UST: variants seen among roughly 807,000 people sequenced by gnomAD.
The protein encoded by UST is chondroitin sulfate 2-O-sulfotransferase.
Under a neutral mutation model 45.6 loss-of-function variants are expected in UST, and 21 were observed. The observed-to-expected ratio is 0.46, with a 90% CI of 0.33 to 0.66. The LOEUF is 0.66. UST is among the 30% of genes least tolerant of loss of function. The pLI, the probability that UST is intolerant of heterozygous loss-of-function variation, is 0.02. For missense variants in UST, 463 were observed against 512.4 expected (o/e 0.90, Z 0.93); for synonymous variants, 215 against 200.6 (o/e 1.07, Z -0.61).
intron 1 of UST, among the ~76,000 whole-genome samples, chr6:148,862,894 T>A (rs915001537): frequency 6.6e-6 from 1 of 151,364 alleles, no homozygotes; most frequent in Non-Finnish European, 1.5e-5. Context: ...CTTCCCTTTG[T>A]GGGTAACCTG....
chr6:148,799,457 A>C (rs975119702), intron 1 of UST, among the ~76,000 whole-genome samples: 2 of 152,204 alleles, frequency 1.3e-5, no homozygotes, highest in Non-Finnish European at 2.9e-5. Context: ...AGCTGGAAGC[A>C]TTGATAAGGT....
At position 149,021,480 on chromosome 6, in the gene UST, A is replaced by G; in HGVS notation, c.936A>G (p.Pro312=). ...GCGTGCTCAGTATCTACAAAGACCC[A>G]GGTAACTTCATTTGTAAGCAAGCTC... ...FKGVLSIYKD[P]EHRKLGNMTV... is the part of the protein sequence containing the mutation. The change falls in exon 7 of 8, where the codon CCA becomes CCG. Residue 312 remains proline (P), a splice_region_variant and synonymous_variant. Coordinates refer to ENST00000367463, the MANE Select transcript of UST (RefSeq NM_005715.3). 1 of 1,614,072 alleles carries G rather than the reference A, an allele frequency of 6.2e-7. No homozygotes were observed.
At chr6:148,964,712 T>G (rs1224168924) in intron 5 of UST, 149 bp downstream of exon 5, 23 of 974,988 alleles carry the variant, frequency 2.4e-5, no homozygotes, top group Non-Finnish European at 3.4e-5. Context: ...AGGAAGGAGG[T>G]CTTGGCGAGA....
chr6:148,769,573 A>T (rs111838621), intron 1 of UST, among the ~76,000 whole-genome samples: 53 of 152,338 alleles, frequency 3.5e-4, no homozygotes, highest in Non-Finnish European at 3.1e-4. Flanking sequence ...CTGTTCTATA[A>T]CACCACCATC....
At chr6:148,868,682 TGCCAGG>T (rs774190524) in intron 1 of UST, among the ~76,000 whole-genome samples, 3 of 152,144 alleles carry the variant, frequency 2.0e-5, no homozygotes, top group Non-Finnish European at 4.4e-5. Flanking sequence ...ACCCAAACCC[TGCCAGG>T]GTTTTGAAAA....
chr6:149,038,504 G>T (rs983517528), intron 7 of UST, among the ~76,000 whole-genome samples: 3 of 151,876 alleles, frequency 2.0e-5, no homozygotes, highest in African/African-American at 7.3e-5. Flanking sequence ...TAGAAGAGGA[G>T]GAAGGATTCT....
intron 1 of UST, among the ~76,000 whole-genome samples, chr6:148,832,240 C>T (rs1293400577): frequency 6.6e-6 from 1 of 152,182 alleles, no homozygotes; most frequent in East Asian, 1.9e-4. Context: ...ATCCACCTGC[C>T]TCGGCCTCCC....
chr6:148,924,160 G>A (rs890190194), intron 2 of UST, among the ~76,000 whole-genome samples: 1 of 152,190 alleles, frequency 6.6e-6, no homozygotes, highest in African/African-American at 2.4e-5. Context: ...CCACATCAGT[G>A]TAATATTTTA....
chr6:148,878,656 T>C (rs1335114446), intron 1 of UST, among the ~76,000 whole-genome samples: 1 of 85,856 alleles, frequency 1.2e-5, no homozygotes, highest in South Asian at 4.4e-4. Flanking sequence ...CGGGGGGTCG[T>C]GTATAAGTGC....
chr6:148,910,770 A>G (rs1285443138), intron 2 of UST, among the ~76,000 whole-genome samples: 1 of 152,216 alleles, frequency 6.6e-6, no homozygotes, highest in African/African-American at 2.4e-5. Context: ...TACATGATTT[A>G]AGGTATTACT....
At chr6:148,939,942 G>A (rs576573197) in intron 2 of UST, among the ~76,000 whole-genome samples, 1 of 152,040 alleles carries the variant, frequency 6.6e-6, no homozygotes, top group South Asian at 2.1e-4. Context: ...TTACAGGATG[G>A]GAGAAAATAT....
At chr6:148,777,439 T>C (rs914049516) in intron 1 of UST, among the ~76,000 whole-genome samples, 6 of 152,242 alleles carry the variant, frequency 3.9e-5, no homozygotes, top group Admixed American at 2.0e-4. Flanking sequence ...TGACTTTTAT[T>C]GTATAGTCAT....
chr6:148,835,228 C>G (rs2114764490), intron 1 of UST, among the ~76,000 whole-genome samples: 1 of 152,218 alleles, frequency 6.6e-6, no homozygotes, highest in South Asian at 2.1e-4. Flanking sequence ...GTATTTAGTA[C>G]TATAAGTAAT....
intron 2 of UST, among the ~76,000 whole-genome samples, chr6:148,896,210 C>T (rs971791901): frequency 1.3e-5 from 2 of 152,216 alleles, no homozygotes; most frequent in Non-Finnish European, 2.9e-5. Flanking sequence ...CTTTGGTTAG[C>T]ATCACTTTTA....
rs1330616842 is a variant in UST, at chr6:149,075,958, C to T, written c.*1842C>T. The T allele has an allele frequency of 1.3e-5, 2 of 152,574 alleles. No homozygotes were observed. The highest frequency in any genetic ancestry group is 4.8e-5 in the African/African-American group (2 of 41,428). The allele number at this position is 152,574 out of a possible 1,614,324, so 9.5% of individuals were successfully genotyped here. On this transcript the variant is annotated 3_prime_UTR_variant, in exon 8 of 8. Transcript: ENST00000367463. ...ATAAAGCAAGTCATTTGGAACCTGC[C>T]GAGTGAGCACTGAAGCTACTTTATC... is the stretch of plus-strand genomic sequence containing the variant.
At chr6:148,816,068 A>G (rs1202434920) in intron 1 of UST, among the ~76,000 whole-genome samples, 1 of 152,252 alleles carries the variant, frequency 6.6e-6, no homozygotes, top group African/African-American at 2.4e-5. Context: ...ACATTCTGCA[A>G]CACGGGATTG....
chr6:148,957,383 T>C (rs1780536886), intron 4 of UST, among the ~76,000 whole-genome samples: 1 of 152,200 alleles, frequency 6.6e-6, no homozygotes, highest in Admixed American at 6.5e-5. Flanking sequence ...AAGGAAAATT[T>C]CTCTGTCAAT....
chr6:148,769,402 A>G (rs1776377590), intron 1 of UST, among the ~76,000 whole-genome samples: 1 of 152,226 alleles, frequency 6.6e-6, no homozygotes, highest in African/African-American at 2.4e-5. Flanking sequence ...CTTTAACGGG[A>G]TGTTTCATAT....
At chr6:148,868,470 C>A (rs576847919) in intron 1 of UST, among the ~76,000 whole-genome samples, 2 of 151,264 alleles carry the variant, frequency 1.3e-5, no homozygotes, top group African/African-American at 4.8e-5. Context: ...TGACTCACTT[C>A]GTCTTTGAAA....
Sources: gnomAD v4.1 joint callset for allele counts (sites outside exome capture counted in the v4.1 genomes callset) on GRCh38, gnomAD v4.1.1 for gene constraint, MANE v1.5 for transcripts, NCBI Gene and HGNC (gene_info 2026-07-23, HGNC 2026-07-21) for gene names.